Variants in ACYP2 observed in about 807,000 individuals in gnomAD.
The protein encoded by ACYP2 is acylphosphatase 2, also known as acylphosphatase-2.
In ACYP2, 12 loss-of-function variants were observed where a neutral mutation model predicts 11.2. The observed-to-expected ratio is 1.08, with a 90% CI of 0.69 to 1.74. The LOEUF is 1.74. Among genes scored for constraint, ACYP2 ranks in the 40% most tolerant of loss-of-function variants. ACYP2 has a pLI of 0.00. For synonymous variants in ACYP2, 43 were observed against 32.2 expected (o/e 1.33, Z -1.13); for missense variants, 134 against 101.9 (o/e 1.31, Z -1.35).
chr2:54,210,514 C>G (rs1685290005), intron 6 of ACYP2, among the ~76,000 whole-genome samples: 2 of 152,088 alleles, frequency 1.3e-5, no homozygotes, highest in South Asian at 4.1e-4. Context: ...ATGGGTGACT[C>G]TGCTTTGTTG....
chr2:54,154,431 A>G (rs983343359), intron 6 of ACYP2, among the ~76,000 whole-genome samples: 1 of 152,188 alleles, frequency 6.6e-6, no homozygotes, highest in African/African-American at 2.4e-5. Context: ...CTTTTCATAT[A>G]TGGCCTTTAT....
At chr2:54,304,664 A>G in intron 6 of ACYP2, 24 bp from the exon 4 acceptor site, 1 of 1,542,496 alleles carries the variant, frequency 6.5e-7, no homozygotes, top group South Asian at 1.1e-5. Context: ...TGCTAATTTT[A>G]TTTATTTATC....
At chr2:54,239,004 A>C (rs1686618445) in intron 6 of ACYP2, among the ~76,000 whole-genome samples, 1 of 151,790 alleles carries the variant, frequency 6.6e-6, no homozygotes, top group African/African-American at 2.4e-5. Context: ...AAAAATCCCA[A>C]CTCTGGTCTT....
At chr2:54,219,879 G>GTGTC (rs1240747954) in intron 6 of ACYP2, among the ~76,000 whole-genome samples, 1 of 54,416 alleles carries the variant, frequency 1.8e-5, no homozygotes, top group Admixed American at 1.8e-4. Context: ...GTGTGTGTGT[G>GTGTC]TGTATATATA....
chr2:54,199,739 T>G (rs142163991), intron 6 of ACYP2, among the ~76,000 whole-genome samples: 1 of 152,190 alleles, frequency 6.6e-6, no homozygotes, highest in African/African-American at 2.4e-5. Context: ...GAAGTTTGGA[T>G]TTACCTTGGT....
intron 2 of ACYP2, among the ~76,000 whole-genome samples, chr2:54,011,610 C>G (rs901299208): frequency 6.6e-6 from 1 of 152,094 alleles, no homozygotes; most frequent in Non-Finnish European, 1.5e-5. Flanking sequence ...TTGCCCTTTC[C>G]CTAGTGGAAA....
chr2:54,075,607 G>A (rs1043446102), intron 4 of ACYP2, among the ~76,000 whole-genome samples: 2 of 152,072 alleles, frequency 1.3e-5, no homozygotes, highest in Non-Finnish European at 2.9e-5. Flanking sequence ...GAGGTCAGGA[G>A]TTAAAGACCA....
chr2:54,298,425 CTTAAGTATCAGTAA>C (rs1689602259), intron 6 of ACYP2, among the ~76,000 whole-genome samples: 1 of 152,180 alleles, frequency 6.6e-6, no homozygotes. Flanking sequence ...CTCAACCCTA[CTTAAGTATCAGTAA>C]AAATGATTTT....
intron 6 of ACYP2, among the ~76,000 whole-genome samples, chr2:54,301,971 G>T (rs1689743953): frequency 6.6e-6 from 1 of 152,044 alleles, no homozygotes; most frequent in African/African-American, 2.4e-5. Flanking sequence ...CTCCCCACAG[G>T]GTAAACAGAG....
chr2:53,998,869 A>C (rs771191563), intron 2 of ACYP2, among the ~76,000 whole-genome samples: 12 of 152,152 alleles, frequency 7.9e-5, no homozygotes, highest in Non-Finnish European at 1.2e-4. Context: ...GCTGCCCTCC[A>C]TGCTGAGATT....
intron 4 of ACYP2, among the ~76,000 whole-genome samples, chr2:54,120,107 C>T (rs1449295402): frequency 1.3e-5 from 2 of 152,178 alleles, no homozygotes; most frequent in Admixed American, 6.6e-5. Flanking sequence ...TGATGTTAAC[C>T]TTGATCACCT....
At chr2:54,101,825 G>C (rs1031040850) in intron 4 of ACYP2, among the ~76,000 whole-genome samples, 1 of 152,064 alleles carries the variant, frequency 6.6e-6, no homozygotes, top group African/African-American at 2.4e-5. Context: ...AGAAAGTACA[G>C]AGGGCTCTCA....
At chr2:54,052,288 C>A (rs1675910810) in intron 3 of ACYP2, among the ~76,000 whole-genome samples, 1 of 151,952 alleles carries the variant, frequency 6.6e-6, no homozygotes, top group Non-Finnish European at 1.5e-5. Flanking sequence ...TATACCGTGT[C>A]ATTTTTTGTA....
chr2:54,000,643 A>G (rs994579210), intron 2 of ACYP2, among the ~76,000 whole-genome samples: 1 of 152,228 alleles, frequency 6.6e-6, no homozygotes, highest in African/African-American at 2.4e-5. Context: ...CACTACATTC[A>G]TTTAAGGAAC....
intron 4 of ACYP2, among the ~76,000 whole-genome samples, chr2:54,091,265 T>C (rs928546856): frequency 2.6e-5 from 4 of 152,078 alleles, no homozygotes; most frequent in Admixed American, 1.3e-4. Flanking sequence ...TATATTGGGG[T>C]GGGGAACACA....
intron 6 of ACYP2, among the ~76,000 whole-genome samples, chr2:54,186,254 A>C (rs1683989697): frequency 6.6e-6 from 1 of 152,218 alleles, no homozygotes; most frequent in Admixed American, 6.5e-5. Context: ...CTCAACTTTT[A>C]GAAAAACAAG....
intron 2 of ACYP2, among the ~76,000 whole-genome samples, chr2:54,042,862 G>A (rs970387718): frequency 6.6e-6 from 1 of 152,224 alleles, no homozygotes. Flanking sequence ...AAGAAGCAAC[G>A]TGGAAGACCA....
chr2:54,152,686 T>C (rs1404254051), intron 6 of ACYP2, among the ~76,000 whole-genome samples: 1 of 152,214 alleles, frequency 6.6e-6, no homozygotes, highest in African/African-American at 2.4e-5. Context: ...CTTAGATACA[T>C]GTCTTTAAGG....
At position 54,202,633 on chromosome 2, in the gene ACYP2, C is replaced by G. The variant is rs537122157; in HGVS notation, c.404+63885C>G. Among the ~76,000 whole-genome samples the G allele has an allele frequency of 3.4e-5, 5 of 147,154 alleles. No homozygotes were observed. In the South Asian group the frequency reaches 1.1e-3, roughly 32 times the overall value. ...ATGTTGGCCGGGTTGGTTTCGAACT[C>G]CTGACCTCAGGTGATCCATCTGCCT... On this transcript the variant is annotated intron_variant, in intron 6 of 6. Transcript: ENST00000607452.
Sources: gnomAD v4.1 joint callset for allele counts (sites outside exome capture counted in the v4.1 genomes callset) on GRCh38, gnomAD v4.1.1 for gene constraint, MANE v1.5 for transcripts, NCBI Gene and HGNC (gene_info 2026-07-23, HGNC 2026-07-21) for gene names.